The following XRN1 variants were observed in gnomAD, a reference collection of about 807,000 sequenced individuals.
XRN1 encodes 5'-3' exoribonuclease 1.
XRN1 carries 67 observed loss-of-function variants against 222.3 expected under a neutral mutation model. That is an observed-to-expected ratio of 0.30 (90% confidence interval 0.25 to 0.37). The LOEUF is 0.37. Ranked by LOEUF, XRN1 falls within the 10% of genes least tolerant of loss-of-function variation. The pLI is 1.00. For missense variants in XRN1, 1,707 were observed against 2,000.2 expected (o/e 0.85, Z 2.80); for synonymous variants, 643 against 652.4 (o/e 0.99, Z 0.22).
At chr3:142,418,655 C>A in intron 11 of XRN1, 46 bp from the exon 12 acceptor site, 1 of 1,497,812 alleles carries the variant, frequency 6.7e-7, no homozygotes, top group Non-Finnish European at 9.2e-7. Context: ...TTATGAATAG[C>A]CTGTTTTTCC....
rs1167283412 is a variant in XRN1 at position 142,329,449 on chromosome 3, A to G, written c.4389T>C (p.Phe1463=). The change falls in exon 37 of 41, where the codon TTT becomes TTC. Residue 1463 remains phenylalanine (F), a synonymous_variant. Coordinates refer to ENST00000392981, the MANE Select transcript of XRN1 (RefSeq NM_001282857.2). ...TATACTATACCTGTGGCATCCTAAG[A>G]AAGGAGAAATCAGGTTGTGGCATTC... ...LVGMPQPDFS[F]LRMPQTMTVC... 6.3e-7 allele frequency: 1 copy of G among 1,576,708 alleles called. No individual in the cohort carries two copies. The highest frequency in any genetic ancestry group is 1.4e-5 in the African/African-American group (1 of 72,448).
In XRN1 at chr3:142,342,570, G is replaced by A. The variant is rs189306529; in HGVS notation, c.3877+4664C>T. On this transcript the variant is annotated intron_variant, in intron 33 of 40. Transcript: ENST00000392981. The stretch of plus-strand genomic sequence containing the variant: ...CTACAGAACTATGGTAATGAAAATG[G>A]CATGGCACTGACATAAAAACAAACA... Among the ~76,000 whole-genome samples the A allele has an allele frequency of 3.1e-3, 472 of 152,184 alleles. 1 individual carries two copies. Among genetic ancestry groups the A allele is most frequent in the Admixed American group, 5.6e-3 (85 of 15,276 alleles).
chr3:142,316,235 T>G (rs555392218), intron 39 of XRN1, among the ~76,000 whole-genome samples: 1,871 of 147,822 alleles, frequency 0.013, 6 homozygotes, highest in South Asian at 0.038. Flanking sequence ...TTTTTTTTTT[T>G]GAGACAGGTC....
rs530940249 is a variant in XRN1 at position 142,418,825 on chromosome 3, T to C, written c.1230A>G (p.Ile410Met). 2 of 1,614,030 alleles carry C rather than the reference T, an allele frequency of 1.2e-6. No homozygotes were observed. The highest frequency in any genetic ancestry group is 2.2e-5 in the East Asian group (1 of 44,828). Residue 410 changes from isoleucine (I) to methionine (M), a missense_variant, in exon 11 of 41, where the codon ATA becomes ATG. Physicochemically the swap from Ile to Met is conservative, Grantham distance 10. This residue lies in a region of XRN1 where 1,234 missense variants were observed against 1,518.2 expected (regional missense o/e 0.81). Coordinates refer to ENST00000392981, the MANE Select transcript of XRN1 (RefSeq NM_001282857.2). Reference protein sequence around the residue: ...TALDKNEGEMITSKDNLEDET... With the variant: ...TALDKNEGEMMTSKDNLEDET... ...ATACTTCATACTTACCCTTAGAAGT[T>C]ATCATTTCGCCTTCATTTTTGTCTA...
intron 2 of XRN1, among the ~76,000 whole-genome samples, chr3:142,427,872 C>T (rs1328104548): frequency 6.6e-6 from 1 of 152,246 alleles, no homozygotes; most frequent in East Asian, 1.9e-4. Context: ...TTGCTACTAG[C>T]TTCATCTACT....
intron 37 of XRN1, among the ~76,000 whole-genome samples, chr3:142,326,969 C>T (rs2065534398): frequency 6.6e-6 from 1 of 152,160 alleles, no homozygotes; most frequent in Non-Finnish European, 1.5e-5. Flanking sequence ...ATGAATCCCA[C>T]TTGATCATGA....
Position 142,437,016 on chromosome 3 carries a change from G to C in XRN1, c.76-4123C>G, listed in dbSNP as rs191920040. ...AATACCCCATATAATTTTCCTTTTA[G>C]AAAAGAAATATTTGAAAAATTCTCT... is the stretch of plus-strand genomic sequence containing the variant. On this transcript the variant is annotated intron_variant, in intron 1 of 40. Coordinates refer to ENST00000392981, the MANE Select transcript of XRN1 (RefSeq NM_001282857.2). Among the ~76,000 whole-genome samples, 388 of 151,998 alleles carry C rather than the reference G, an allele frequency of 2.6e-3. 1 individual carries two copies. The highest frequency in any genetic ancestry group is 4.1e-3 in the Non-Finnish European group (282 of 67,964).
rs539029633 is a variant in XRN1, at chr3:142,386,716, CA to C, written c.2340-2032del. Among the ~76,000 whole-genome samples, 10 of 152,176 alleles carry C rather than the reference CA, an allele frequency of 6.6e-5. No individual in the cohort carries two copies. The East Asian group carries it at 1.9e-3, about 29-fold the overall frequency. ...CATTTCACAAAAGAGTATGCATATT[CA>C]AATGGCCAACAAACACGAAAGGATG... is the stretch of plus-strand genomic sequence containing the variant. On this transcript the variant is annotated intron_variant, in intron 20 of 40. Coordinates refer to ENST00000392981, the MANE Select transcript of XRN1 (RefSeq NM_001282857.2).
intron 32 of XRN1, among the ~76,000 whole-genome samples, chr3:142,348,843 T>C (rs1386256392): frequency 1.3e-5 from 2 of 152,234 alleles, no homozygotes; most frequent in African/African-American, 2.4e-5. Flanking sequence ...TCTTATTATG[T>C]TGCCCAGGCT....
intron 15 of XRN1, among the ~76,000 whole-genome samples, chr3:142,411,514 G>C (rs1285392324): frequency 6.6e-6 from 1 of 151,590 alleles, no homozygotes; most frequent in Non-Finnish European, 1.5e-5. Flanking sequence ...ACTGACCATG[G>C]ATCCCTTTTT....
At chr3:142,355,594 G>T in intron 31 of XRN1, 98 bp from the exon 32 acceptor site, 1 of 791,296 alleles carries the variant, frequency 1.3e-6, no homozygotes, top group Non-Finnish European at 1.9e-6. Flanking sequence ...TTATTCAGTG[G>T]TAGACAGGAT....
intron 33 of XRN1, among the ~76,000 whole-genome samples, chr3:142,336,128 G>A (rs542582207): frequency 6.6e-6 from 1 of 152,182 alleles, no homozygotes; most frequent in Admixed American, 6.5e-5. Context: ...AAAAATTCTA[G>A]GATTTAGCAA....
intron 25 of XRN1, among the ~76,000 whole-genome samples, chr3:142,375,376 A>C (rs1447070434): frequency 2.0e-5 from 3 of 152,156 alleles, no homozygotes; most frequent in African/African-American, 4.8e-5. Context: ...TGACTTGCTG[A>C]TTTCCTAGAT....
intron 24 of XRN1, chr3:142,376,183 A>G: frequency 1.4e-6 from 1 of 707,276 alleles, no homozygotes; most frequent in Non-Finnish European, 2.1e-6. Flanking sequence ...TTATGTAATT[A>G]TAGAGGAAAA....
chr3:142,390,198 T>C (rs1209210514), intron 20 of XRN1, among the ~76,000 whole-genome samples: 2 of 152,218 alleles, frequency 1.3e-5, no homozygotes, highest in Admixed American at 1.3e-4. Flanking sequence ...GGGTTCAACT[T>C]AAAGTAACCA....
intron 1 of XRN1, among the ~76,000 whole-genome samples, chr3:142,433,908 G>A (rs747044011): frequency 1.3e-5 from 2 of 151,960 alleles, no homozygotes; most frequent in East Asian, 3.9e-4. Context: ...GAAAAGTTTT[G>A]GTCTCTGAAT....
chr3:142,406,036 T>C (rs2068322953), intron 15 of XRN1, among the ~76,000 whole-genome samples: 1 of 151,758 alleles, frequency 6.6e-6, no homozygotes, highest in African/African-American at 2.4e-5. Flanking sequence ...ATTTCTAATA[T>C]ATAAAGTAGC....
At chr3:142,322,697 A>T (rs1055199827) in intron 37 of XRN1, among the ~76,000 whole-genome samples, 4 of 151,334 alleles carry the variant, frequency 2.6e-5, no homozygotes, top group South Asian at 4.2e-4. Flanking sequence ...ACAAAAAAAA[A>T]TTGTTTTTTA....
intron 2 of XRN1, among the ~76,000 whole-genome samples, chr3:142,430,199 C>T (rs1453763648): frequency 2.0e-5 from 3 of 152,170 alleles, no homozygotes; most frequent in African/African-American, 7.2e-5. Flanking sequence ...GAAGTTATCC[C>T]TTACGGCTCA....
Sources: gnomAD v4.1 joint callset for allele counts (sites outside exome capture counted in the v4.1 genomes callset) on GRCh38, gnomAD v4.1.1 for gene constraint, gnomAD v4.1.1 regional missense constraint, MANE v1.5 for transcripts, NCBI Gene and HGNC (gene_info 2026-07-23, HGNC 2026-07-21) for gene names.